Variants in IRAK3 observed in about 807,000 individuals in gnomAD.
The protein encoded by IRAK3 is interleukin 1 receptor associated kinase 3, also known as interleukin-1 receptor-associated kinase 3.
In IRAK3, 57 loss-of-function variants were observed where a neutral mutation model predicts 56.6. That is an observed-to-expected ratio of 1.01 (90% CI 0.81 to 1.26). The LOEUF is 1.26. IRAK3 is among the 50% of genes most tolerant of loss of function. The pLI is 0.00. For missense variants in IRAK3, 703 were observed against 719.0 expected, an observed-to-expected ratio of 0.98 and a Z score of 0.25; for synonymous variants, 258 against 255.7, an observed-to-expected ratio of 1.01 and a Z score of -0.09.
chr12:66,202,170 A>G (rs1271255020), intron 1 of IRAK3, among the ~76,000 whole-genome samples: 12 of 152,246 alleles, frequency 7.9e-5, no homozygotes, highest in Admixed American at 7.8e-4. Flanking sequence ...AATCAGAAGC[A>G]TCAGAATAAA....
At chr12:66,239,411 A>C (rs2052941369) in intron 8 of IRAK3, among the ~76,000 whole-genome samples, 1 of 151,966 alleles carries the variant, frequency 6.6e-6, no homozygotes, top group Non-Finnish European at 1.5e-5. Flanking sequence ...GGAAGAGGGC[A>C]TAGGGGGCCA....
At chr12:66,231,822 G>A (rs376189909) in intron 8 of IRAK3, among the ~76,000 whole-genome samples, 1 of 152,258 alleles carries the variant, frequency 6.6e-6, no homozygotes, top group South Asian at 2.1e-4. Context: ...GTGGTGAGCA[G>A]GGGATGGAAT....
At chr12:66,210,125 T>C (rs753141736) in intron 3 of IRAK3, 22 bp from the exon 4 acceptor site, 10 of 1,438,476 alleles carry the variant, frequency 7.0e-6, no homozygotes, top group Admixed American at 1.7e-5. Context: ...GGAATTACTT[T>C]AGTATATATT....
chr12:66,210,830 G>T (rs896440310), intron 4 of IRAK3, among the ~76,000 whole-genome samples: 1 of 152,142 alleles, frequency 6.6e-6, no homozygotes, highest in African/African-American at 2.4e-5. Context: ...CTTCAGAGAG[G>T]ATTTTGTATT....
At chr12:66,197,059 C>A in intron 1 of IRAK3, 1 of 1,452,946 alleles carries the variant, frequency 6.9e-7, no homozygotes, top group Non-Finnish European at 9.0e-7. Context: ...CAGTCCTGCA[C>A]TCTCAAAACA....
In IRAK3 at chr12:66,247,935, T is replaced by C. The variant is rs1337353219; in HGVS notation, c.1555T>C (p.Leu519=). The change falls in exon 12 of 12, where the codon TTG becomes CTG. Residue 519 remains leucine (L), a synonymous_variant. Coordinates refer to ENST00000261233, the MANE Select transcript of IRAK3 (RefSeq NM_007199.3). ...CSQSEVMFLS[L]DKKPESKRNE... The stretch of plus-strand genomic sequence containing the variant: ...CCAGTCTGAGGTTATGTTTCTGAGC[T>C]TGGACAAAAAGCCAGAGAGCAAGAG... 6 of 1,613,888 alleles carry C rather than the reference T, an allele frequency of 3.7e-6. No homozygotes were observed. In the East Asian group the frequency reaches 1.3e-4, roughly 36 times the overall value.
chr12:66,253,478 T>G lies in IRAK3; in HGVS notation c.*5307T>G, dbSNP rs1055354570. On this transcript the variant is annotated 3_prime_UTR_variant, in exon 12 of 12. Transcript: ENST00000261233. Reference sequence around the variant, plus strand: ...ATACTTGATGGTCTGTGGGCTTGACTTGCAAGTATTTTCCTGGGAGACATT... The same window carrying G: ...ATACTTGATGGTCTGTGGGCTTGACGTGCAAGTATTTTCCTGGGAGACATT... 5.0e-4 allele frequency: 76 copies of G among 152,200 alleles called. No homozygotes were observed. The highest frequency in any genetic ancestry group is 1.8e-3 in the African/African-American group (75 of 41,450). The allele number at this position is 152,200 out of a possible 1,614,324, so 9.4% of individuals were successfully genotyped here.
chr12:66,200,069 A>G (rs914959886), intron 1 of IRAK3, among the ~76,000 whole-genome samples: 2 of 152,174 alleles, frequency 1.3e-5, no homozygotes, highest in African/African-American at 2.4e-5. Context: ...TTCTTTCCTT[A>G]CAGCCTAAAC....
chr12:66,202,444 A>G (rs1175761737), intron 1 of IRAK3, among the ~76,000 whole-genome samples: 1 of 152,154 alleles, frequency 6.6e-6, no homozygotes, highest in Non-Finnish European at 1.5e-5. Context: ...GCCAGAAAAT[A>G]AGGAGATACT....
chr12:66,229,315 C>G (rs1045652884), intron 8 of IRAK3, among the ~76,000 whole-genome samples: 3 of 152,134 alleles, frequency 2.0e-5, no homozygotes, highest in African/African-American at 7.2e-5. Flanking sequence ...AGAGTAAATA[C>G]CCCCTGTCGG....
intron 6 of IRAK3, among the ~76,000 whole-genome samples, chr12:66,219,448 A>G (rs927447814): frequency 5.9e-5 from 9 of 152,190 alleles, no homozygotes; most frequent in Non-Finnish European, 1.2e-4. Flanking sequence ...TGTGCTTTTT[A>G]TCTTCCACCA....
In IRAK3 at chr12:66,245,158, G is replaced by C. The variant is rs751413861; in HGVS notation, c.1210G>C (p.Asp404His). Residue 404 changes from aspartate to histidine, a missense_variant, in exon 11 of 12, where the codon GAT becomes CAT. Coordinates refer to ENST00000261233, the MANE Select transcript of IRAK3 (RefSeq NM_007199.3). Reference sequence around the variant, plus strand: ...CCTGGATTCATGTCTCTCATTTCTAGATAAGAAAGTGCCTCCCTGCCCTCG... The same window carrying C: ...CCTGGATTCATGTCTCTCATTTCTACATAAGAAAGTGCCTCCCTGCCCTCG... The part of the protein sequence containing the change: ...RGLDSCLSFL[D>H]KKVPPCPRNF... 6.8e-6 allele frequency: 11 copies of C among 1,614,144 alleles called. No individual in the cohort carries two copies. The highest frequency in any genetic ancestry group is 7.6e-6 in the Non-Finnish European group (9 of 1,180,022).
chr12:66,215,691 A>G (rs1430063117), intron 5 of IRAK3, among the ~76,000 whole-genome samples: 2 of 152,074 alleles, frequency 1.3e-5, no homozygotes, highest in African/African-American at 2.4e-5. Flanking sequence ...TACTGTCTCT[A>G]CATACATTTT....
At chr12:66,217,644 C>T (rs1032323637) in intron 6 of IRAK3, among the ~76,000 whole-genome samples, 3 of 152,114 alleles carry the variant, frequency 2.0e-5, no homozygotes, top group African/African-American at 7.2e-5. Context: ...TTTTGATGTG[C>T]ATATTATTTT....
intron 6 of IRAK3, among the ~76,000 whole-genome samples, chr12:66,220,963 T>C (rs1469483460): frequency 6.6e-6 from 1 of 152,242 alleles, no homozygotes; most frequent in African/African-American, 2.4e-5. Flanking sequence ...TTGAGTAGTA[T>C]GGACATTTTA....
intron 1 of IRAK3, 119 bp from the exon 2 acceptor site, chr12:66,203,592 A>G: frequency 2.1e-6 from 2 of 934,940 alleles, no homozygotes; most frequent in African/African-American, 1.6e-5. Context: ...AATAAAAGTT[A>G]TAAATAAGAG....
intron 2 of IRAK3, among the ~76,000 whole-genome samples, chr12:66,207,064 C>A (rs954386753): frequency 6.6e-6 from 1 of 151,996 alleles, no homozygotes; most frequent in Non-Finnish European, 1.5e-5. Context: ...CCCTTTTATT[C>A]TTGATTTTAG....
At chr12:66,197,592 G>A in intron 1 of IRAK3, 1 of 985,428 alleles carries the variant, frequency 1.0e-6, no homozygotes, top group Non-Finnish European at 1.2e-6. Context: ...TTCCAGTCCG[G>A]AAGCAATCCA....
chr12:66,207,297 C>A (rs796464251), intron 2 of IRAK3, among the ~76,000 whole-genome samples: 22 of 152,098 alleles, frequency 1.4e-4, no homozygotes, highest in African/African-American at 5.1e-4. Context: ...ACGGTGAAAC[C>A]CTATCTCTAC....
Sources: gnomAD v4.1 joint callset for allele counts (sites outside exome capture counted in the v4.1 genomes callset) on GRCh38, gnomAD v4.1.1 for gene constraint, MANE v1.5 for transcripts, NCBI Gene and HGNC (gene_info 2026-07-23, HGNC 2026-07-21) for gene names.